The following MYH4 variants were observed in gnomAD, a reference collection of about 807,000 sequenced individuals.
MYH4 encodes the protein myosin-4.
In MYH4, 200 loss-of-function variants were observed where a neutral mutation model predicts 229.9. The observed-to-expected ratio is 0.87, with a 90% CI of 0.78 to 0.98. The LOEUF (loss-of-function observed/expected upper bound fraction) is 0.98. MYH4 is among the 50% of genes least tolerant of loss of function. MYH4 has a pLI of 0.00. For missense variants in MYH4, 2,148 were observed against 2,332.6 expected (o/e 0.92, Z 1.63); for synonymous variants, 761 against 834.6 (o/e 0.91, Z 1.52).
chr17:10,443,929 A>G lies in MYH4; in HGVS notation c.5668-402T>C, dbSNP rs1439311911. 6.6e-6 allele frequency among the ~76,000 whole-genome samples: 1 copy of G among 151,450 alleles called. No individual in the cohort carries two copies. The highest frequency in any genetic ancestry group is 2.4e-5 in the African/African-American group (1 of 41,280). ...ACTCTGCCTCGAAAAAAAAAAAAAG[A>G]AGAGAAAAAGGCTTTATTATTTAGT... On this transcript the variant is annotated intron_variant, in intron 39 of 39. Transcript: ENST00000255381. The surrounding 1 kb of genome is among the most constrained non-coding windows in gnomAD (Gnocchi z 4.6).
In MYH4 at chr17:10,443,455, C is replaced by T; in HGVS notation, c.5740G>A (p.Ala1914Thr). Residue 1914 changes from alanine to threonine, a missense_variant, in exon 40 of 40, where the codon GCT (alanine) becomes ACT (threonine). Physicochemically the swap from Ala to Thr is moderately conservative, Grantham distance 58. Transcript: ENST00000255381. This position sits in a 1 kb window ranked among gnomAD's most constrained non-coding sequence, Gnocchi z 4.6. ...QHELEEAKERADIAESQVNKL... is the reference protein window; with the variant it reads ...QHELEEAKERTDIAESQVNKL... ...TTGACTTGGGACTCAGCAATGTCAG[C>T]CCGTTCCTTGGCCTCCTCCAGCTCG... 6 of 1,614,158 alleles carry T rather than the reference C, an allele frequency of 3.7e-6. No homozygotes were observed. Among genetic ancestry groups the T allele is most frequent in the Non-Finnish European group, 5.1e-6 (6 of 1,180,000 alleles).
intron 23 of MYH4, 121 bp downstream of exon 23, chr17:10,453,522 A>C: frequency 1.3e-6 from 2 of 1,568,020 alleles, no homozygotes; most frequent in South Asian, 1.1e-5. Context: ...AAGACTAAAG[A>C]GATGAAATAG....
chr17:10,443,370 A>G lies in MYH4; in HGVS notation c.*5T>C, dbSNP rs751367025. The G allele has an allele frequency of 1.2e-6, 2 of 1,613,526 alleles. No homozygotes were observed. The highest frequency in any genetic ancestry group is 8.5e-7 in the Non-Finnish European group (1 of 1,179,828). On this transcript the variant is annotated 3_prime_UTR_variant, in exon 40 of 40. Transcript: ENST00000255381. This position sits in a 1 kb window ranked among gnomAD's most constrained non-coding sequence, Gnocchi z 4.6. ...TTTGGTCACATTTTCTTTCATTAGA[A>G]TGAATTACTCTTCACTTATGACTTT...
At chr17:10,457,341 T>C (rs1341254286) in intron 16 of MYH4, 79 bp downstream of exon 16, 1 of 1,473,572 alleles carries the variant, frequency 6.8e-7, no homozygotes, top group African/African-American at 1.4e-5. Flanking sequence ...CAGGTTTTGC[T>C]GTAACTACAT....
Position 10,451,361 on chromosome 17 carries a change from A to G in MYH4, c.3830T>C (p.Leu1277Ser). ...GTGTAAACGTGCCTTCTGGGCTGAC[A>G]ACTCATTTATTAAGCGTTGTTGCTC... Reference protein sequence around the residue: ...EEEQQRLINELSAQKARLHTE... With the variant: ...EEEQQRLINESSAQKARLHTE... The change falls in exon 28 of 40, where the codon TTG becomes TCG. Residue 1277 changes from leucine to serine, a missense_variant. By Grantham distance (145) the Leu-to-Ser change is moderately radical (BLOSUM62 -2). Coordinates refer to ENST00000255381, the MANE Select transcript of MYH4 (RefSeq NM_017533.2). 6.2e-7 allele frequency: 1 copy of G among 1,614,058 alleles called. No homozygotes were observed. The highest frequency in any genetic ancestry group is 8.5e-7 in the Non-Finnish European group (1 of 1,179,996).
intron 11 of MYH4, 119 bp downstream of exon 11, chr17:10,462,746 C>T (rs1029917205): frequency 1.3e-6 from 1 of 756,278 alleles, no homozygotes; most frequent in Non-Finnish European, 2.0e-6. Context: ...AGTAAGAAAG[C>T]CCAAAGGGTT....
At position 10,448,125 on chromosome 17, in the gene MYH4, G is replaced by T. The variant is rs1385857981; in HGVS notation, c.4658C>A (p.Ala1553Glu). The change falls in exon 34 of 40, where the codon GCA becomes GAA. Residue 1553 changes from alanine (A) to glutamate (E), a missense_variant and splice_region_variant. Coordinates refer to ENST00000255381, the MANE Select transcript of MYH4 (RefSeq NM_017533.2). ...TTTGCCTTCTTCATGCTCAAGAGAT[G>T]CCTTAATAAAAGCAACATTTATTTA... is the stretch of plus-strand genomic sequence containing the variant. ...ELQTSLEEAEASLEHEEGKIL... is the reference protein window; with the variant it reads ...ELQTSLEEAEESLEHEEGKIL... 1 of 1,602,838 alleles carries T rather than the reference G, an allele frequency of 6.2e-7. No individual in the cohort carries two copies. The highest frequency in any genetic ancestry group is 8.5e-7 in the Non-Finnish European group (1 of 1,175,248).
intron 7 of MYH4, among the ~76,000 whole-genome samples, chr17:10,464,228 C>T (rs1284226598): frequency 6.6e-6 from 1 of 152,076 alleles, no homozygotes; most frequent in East Asian, 1.9e-4. Context: ...CCCATTCATG[C>T]TCAATGTCTA....
chr17:10,459,278 C>T lies in MYH4; in HGVS notation c.1560G>A (p.Leu520=), dbSNP rs1271123217. The part of the protein sequence containing the change: ...EWEFIDFGMD[L]AACIELIEKP... ...TCTCGATGAGCTCGATGCAGGCAGC[C>T]AGGTCCATCCCGAAGTCAATGAACT... Residue 520 remains leucine, a synonymous_variant, in exon 15 of 40, where the codon CTG becomes CTA. Coordinates refer to ENST00000255381, the MANE Select transcript of MYH4 (RefSeq NM_017533.2). The T allele has an allele frequency of 8.7e-6, 14 of 1,614,024 alleles. No individual in the cohort carries two copies. The East Asian group carries it at 1.6e-4, about 18-fold the overall frequency.
At position 10,463,567 on chromosome 17, in the gene MYH4, T is replaced by A. The variant is rs1467462249; in HGVS notation, c.725A>T (p.Asp242Val). 6.2e-7 allele frequency: 1 copy of A among 1,612,744 alleles called. No homozygotes were observed. The highest frequency in any genetic ancestry group is 8.5e-7 in the Non-Finnish European group (1 of 1,178,850). Residue 242 changes from aspartate (D) to valine (V), a missense_variant, in exon 8 of 40, where the codon GAC becomes GTC. Coordinates refer to ENST00000255381, the MANE Select transcript of MYH4 (RefSeq NM_017533.2). ...AFGNAKTVRNDNSSRFGKFIR... is the reference protein window; with the variant it reads ...AFGNAKTVRNVNSSRFGKFIR... ...GAGACTTACAAAGCGAGAGGAGTTG[T>A]CATTCCTCACGGTCTTGGCATTGCC...
Position 10,444,976 on chromosome 17 carries a change from C to A in MYH4, c.5466G>T (p.Arg1822Ser). The part of the protein sequence containing the change: ...GKKQIQKLEA[R>S]VRELESEVES... ...ATTGAGTGAAGTTGTGGAGACCTAC[C>A]CTGGCCTCCAGTTTCTGGATCTGCT... Residue 1822 changes from arginine (R) to serine (S), a missense_variant and splice_region_variant, in exon 37 of 40, where the codon AGG becomes AGT. Physicochemically the swap from Arg to Ser is moderately radical, Grantham distance 110. Transcript: ENST00000255381. 6.2e-7 allele frequency: 1 copy of A among 1,614,084 alleles called. No homozygotes were observed. Among genetic ancestry groups the A allele is most frequent in the Non-Finnish European group, 8.5e-7 (1 of 1,180,008 alleles).
Position 10,448,386 on chromosome 17 carries a change from A to G in MYH4, c.4656+10T>C. On this transcript the variant is annotated intron_variant, in intron 33 of 39. Transcript: ENST00000255381. ...TTTATAATGCAGAGCTAAGCAAATG[A>G]AAAATGTACCTCTGCTTCCTCTAGG... The G allele has an allele frequency of 6.2e-7, 1 of 1,605,680 alleles. No individual in the cohort carries two copies. Among genetic ancestry groups the G allele is most frequent in the Non-Finnish European group, 8.5e-7 (1 of 1,177,622 alleles).
At chr17:10,465,715 C>A (rs2072756574) in intron 4 of MYH4, 117 bp from the exon 5 acceptor site, 14 of 1,230,782 alleles carry the variant, frequency 1.1e-5, no homozygotes, top group African/African-American at 7.6e-5. Flanking sequence ...CATAAAGTTT[C>A]ATTCATTTGT....
intron 2 of MYH4, among the ~76,000 whole-genome samples, chr17:10,467,001 TC>T (rs1016231259): frequency 9.2e-5 from 14 of 152,314 alleles, no homozygotes; most frequent in Admixed American, 8.5e-4. Flanking sequence ...AAGCCTAAGT[TC>T]CATCCTCTAT....
chr17:10,450,464 C>T lies in MYH4; in HGVS notation c.4170G>A (p.Leu1390=). ...ETDAIQRTEE[L]EEAKKKLAQR... ...CTAAAAGCACATACTTGGCCTCCTC[C>T]AGCTCCTCTGTGCGCTGGATGGCGT... The change falls in exon 30 of 40, where the codon CTG becomes CTA. Residue 1390 remains leucine, a synonymous_variant. Coordinates refer to ENST00000255381, the MANE Select transcript of MYH4 (RefSeq NM_017533.2). The T allele has an allele frequency of 6.2e-7, 1 of 1,613,998 alleles. No homozygotes were observed.
intron 15 of MYH4, among the ~76,000 whole-genome samples, 161 bp from the exon 16 acceptor site, chr17:10,457,890 T>C (rs1159700592): frequency 2.0e-5 from 3 of 152,180 alleles, no homozygotes; most frequent in African/African-American, 4.8e-5. Flanking sequence ...CCAGAACATA[T>C]GGGAAATATA....
At chr17:10,447,747 A>G in intron 34 of MYH4, 71 bp downstream of exon 34, 1 of 1,424,796 alleles carries the variant, frequency 7.0e-7, no homozygotes, top group South Asian at 1.4e-5. Flanking sequence ...TAGTCCTCGT[A>G]AAACATTAAA....
chr17:10,448,066 T>C lies in MYH4; in HGVS notation c.4717A>G (p.Lys1573Glu). 6.2e-7 allele frequency: 1 copy of C among 1,614,078 alleles called. No individual in the cohort carries two copies. Among genetic ancestry groups the C allele is most frequent in the Non-Finnish European group, 8.5e-7 (1 of 1,179,998 alleles). The change falls in exon 34 of 40, where the codon AAA (lysine) becomes GAA (glutamate). Residue 1573 changes from lysine (K) to glutamate (E), a missense_variant. Physicochemically the swap from Lys to Glu is moderately conservative, Grantham distance 56. Coordinates refer to ENST00000255381, the MANE Select transcript of MYH4 (RefSeq NM_017533.2). ...GCAATTTTTCGGTCAATCTCAGATT[T>C]CACCTGATTTAGCTCAAGTTGAATG... Reference protein sequence around the residue: ...LRIQLELNQVKSEIDRKIAEK... With the variant: ...LRIQLELNQVESEIDRKIAEK...
chr17:10,462,977 A>T lies in MYH4; in HGVS notation c.905-9T>A. The T allele has an allele frequency of 6.2e-7, 1 of 1,612,394 alleles. No homozygotes were observed. The highest frequency in any genetic ancestry group is 8.5e-7 in the Non-Finnish European group (1 of 1,178,582). On this transcript the variant is annotated splice_polypyrimidine_tract_variant and intron_variant, in intron 10 of 39. Transcript: ENST00000255381. The stretch of plus-strand genomic sequence containing the variant: ...GGTGATCAGAAGCATTTCTGAACAC[A>T]TGGAAAAGAACAGTATATAGACAGC...
Sources: allele counts gnomAD v4.1 joint callset (sites outside exome capture counted in the v4.1 genomes callset), GRCh38; gene constraint gnomAD v4.1.1; non-coding constraint Gnocchi (gnomAD v3.1); transcripts MANE v1.5; gene names NCBI Gene and HGNC (gene_info 2026-07-23, HGNC 2026-07-21).